Variants in CDK19 observed in about 807,000 individuals in gnomAD.
CDK19 encodes the protein cyclin-dependent kinase 19.
A neutral mutation model predicts 68.3 loss-of-function variants in CDK19; 20 were observed. The ratio of observed to expected loss-of-function variants is 0.29; its 90% CI spans 0.21 to 0.43. CDK19 has a LOEUF of 0.43. CDK19 is among the 20% of genes least tolerant of loss of function. CDK19 has a pLI of 1.00. For missense variants in CDK19, 339 were observed against 623.5 expected, an observed-to-expected ratio of 0.54 and a Z score of 4.86; for synonymous variants, 221 against 222.8, an observed-to-expected ratio of 0.99 and a Z score of 0.07.
At chr6:110,653,544 T>C (rs966912738) in intron 4 of CDK19, among the ~76,000 whole-genome samples, 8 of 152,220 alleles carry the variant, frequency 5.3e-5, no homozygotes, top group Non-Finnish European at 1.2e-4. Flanking sequence ...AAGAAAGTGA[T>C]ACTGCTGGGT....
At chr6:110,763,961 T>TA (rs1440135325) in intron 1 of CDK19, among the ~76,000 whole-genome samples, 1 of 151,944 alleles carries the variant, frequency 6.6e-6, no homozygotes, top group South Asian at 2.1e-4. Flanking sequence ...ATACCAGCAA[T>TA]AAAAAATTGC....
Position 110,638,768 on chromosome 6 carries a change from GAGAAAAGTTCTTATCAT to G in CDK19, c.457-79_457-63del, listed in dbSNP as rs1409929196. On this transcript the variant is annotated intron_variant, in intron 4 of 12. Coordinates refer to ENST00000368911, the MANE Select transcript of CDK19 (RefSeq NM_015076.5). The stretch of plus-strand genomic sequence containing the variant: ...TATTCTTTTGACATGCTCTAAAATG[GAGAAAAGTTCTTATCAT>G]ATAAAAAATCATTTCTGTATTTTCA... The G allele has an allele frequency of 5.6e-6, 5 of 887,440 alleles. No individual in the cohort carries two copies. In the African/African-American group the frequency reaches 8.5e-5, roughly 15 times the overall value. 55.0% of individuals were successfully genotyped at this position (887,440 alleles called of 1,614,324 possible).
chr6:110,784,063 G>C (rs575689798), intron 1 of CDK19, among the ~76,000 whole-genome samples: 2 of 149,086 alleles, frequency 1.3e-5, no homozygotes, highest in African/African-American at 5.0e-5. Flanking sequence ...GGAGGCTGAG[G>C]CAAGAGAATT....
At chr6:110,726,005 G>A (rs776261952) in intron 2 of CDK19, among the ~76,000 whole-genome samples, 2 of 151,256 alleles carry the variant, frequency 1.3e-5, no homozygotes, top group Non-Finnish European at 2.9e-5. Context: ...TGTAAAACAC[G>A]CCATGTTTTC....
At chr6:110,657,175 C>T (rs1781356079) in intron 4 of CDK19, among the ~76,000 whole-genome samples, 1 of 152,176 alleles carries the variant, frequency 6.6e-6, no homozygotes, top group Admixed American at 6.5e-5. Flanking sequence ...CGGAGAGTAG[C>T]AGGTCCAGAT....
At chr6:110,731,821 T>C (rs933420647) in intron 2 of CDK19, among the ~76,000 whole-genome samples, 64 of 152,302 alleles carry the variant, frequency 4.2e-4, no homozygotes, top group Middle Eastern at 3.4e-3. Flanking sequence ...GTTCAATAGT[T>C]GTATTTTGTA....
chr6:110,652,897 T>A (rs1302017693), intron 4 of CDK19, among the ~76,000 whole-genome samples: 1 of 152,148 alleles, frequency 6.6e-6, no homozygotes, highest in African/African-American at 2.4e-5. Flanking sequence ...GGCAGTGACA[T>A]CGTTTAAGGG....
intron 12 of CDK19, among the ~76,000 whole-genome samples, chr6:110,620,787 C>T (rs187821390): frequency 3.9e-4 from 60 of 152,246 alleles, no homozygotes; most frequent in African/African-American, 1.3e-3. Flanking sequence ...TTTTCAACTG[C>T]GTATCTACGT....
rs531035849 is a variant in CDK19 at position 110,705,320 on chromosome 6, G to C, written c.205-34779C>G. ...CTCCGTAAGTGCTGGGATTACAGGCGTGAGCCACTGCGCCTGGCCAGAAAT... is the reference window on the plus strand; with the variant it reads ...CTCCGTAAGTGCTGGGATTACAGGCCTGAGCCACTGCGCCTGGCCAGAAAT... On this transcript the variant is annotated intron_variant, in intron 2 of 12. Transcript: ENST00000368911. Among the ~76,000 whole-genome samples the C allele has an allele frequency of 1.4e-3, 220 of 152,248 alleles. 1 individual carries two copies. Among genetic ancestry groups the C allele is most frequent in the African/African-American group, 4.8e-3 (198 of 41,540 alleles).
At chr6:110,616,681 A>C (rs890629072) in intron 12 of CDK19, among the ~76,000 whole-genome samples, 8 of 151,694 alleles carry the variant, frequency 5.3e-5, no homozygotes, top group Non-Finnish European at 8.8e-5. Flanking sequence ...AAAAAAAAAA[A>C]CAAAACAAAA....
intron 12 of CDK19, among the ~76,000 whole-genome samples, chr6:110,618,194 C>T (rs34916603): frequency 2.5e-3 from 387 of 152,168 alleles, no homozygotes; most frequent in Non-Finnish European, 4.2e-3. Context: ...AGTGCAGTGG[C>T]GCGATCTCGG....
chr6:110,699,472 A>G (rs1773809352), intron 2 of CDK19, among the ~76,000 whole-genome samples: 1 of 151,994 alleles, frequency 6.6e-6, no homozygotes, highest in Admixed American at 6.6e-5. Flanking sequence ...CATTATTTTA[A>G]GTGAAATAAC....
chr6:110,646,055 G>A, intron 4 of CDK19: 1 of 898,142 alleles, frequency 1.1e-6, no homozygotes, highest in Non-Finnish European at 1.8e-6. Flanking sequence ...CTATCCCTTT[G>A]TTGCCAGGCA....
intron 2 of CDK19, among the ~76,000 whole-genome samples, chr6:110,694,814 G>T (rs1773334371): frequency 1.3e-5 from 2 of 152,242 alleles, no homozygotes; most frequent in South Asian, 4.1e-4. Flanking sequence ...CTCAGAACAT[G>T]GTAAAATAAA....
chr6:110,611,290 T>G lies in CDK19; in HGVS notation c.*3245A>C, dbSNP rs992465693. 5 of 152,284 alleles carry G rather than the reference T, an allele frequency of 3.3e-5. No individual in the cohort carries two copies. The highest frequency in any genetic ancestry group is 5.9e-5 in the Non-Finnish European group (4 of 68,054). 9.4% of individuals were successfully genotyped at this position (152,284 alleles called of 1,614,324 possible). The stretch of plus-strand genomic sequence containing the variant: ...GCCTTCACTTGGATTCATTCCTTCC[T>G]GTCAATAACCCCTCCTAGTTTGGGT... On this transcript the variant is annotated 3_prime_UTR_variant, in exon 13 of 13. Coordinates refer to ENST00000368911, the MANE Select transcript of CDK19 (RefSeq NM_015076.5).
chr6:110,711,219 T>C (rs1338340786), intron 2 of CDK19, among the ~76,000 whole-genome samples: 1 of 152,246 alleles, frequency 6.6e-6, no homozygotes, highest in East Asian at 1.9e-4. Flanking sequence ...CATATTTCTT[T>C]GTTAAGAATG....
At chr6:110,623,811 T>C (rs993056427) in intron 8 of CDK19, among the ~76,000 whole-genome samples, 1 of 142,020 alleles carries the variant, frequency 7.0e-6, no homozygotes, top group Admixed American at 7.3e-5. Context: ...CATATACACA[T>C]ATATACACAT....
At chr6:110,812,694 T>C (rs1583160054) in intron 1 of CDK19, among the ~76,000 whole-genome samples, 3 of 151,454 alleles carry the variant, frequency 2.0e-5, no homozygotes, top group South Asian at 4.2e-4. Flanking sequence ...CTCCCTAAAA[T>C]AGCATTATGC....
chr6:110,681,691 T>A (rs1156251753), intron 2 of CDK19, among the ~76,000 whole-genome samples: 1 of 152,218 alleles, frequency 6.6e-6, no homozygotes, highest in Admixed American at 6.5e-5. Flanking sequence ...CAAATGTTTG[T>A]TCAACATGAC....
Sources: gnomAD v4.1 joint callset for allele counts (sites outside exome capture counted in the v4.1 genomes callset) on GRCh38, gnomAD v4.1.1 for gene constraint, MANE v1.5 for transcripts, NCBI Gene and HGNC (gene_info 2026-07-23, HGNC 2026-07-21) for gene names.